NAA80: variants seen among roughly 807,000 people sequenced by gnomAD.
The protein encoded by NAA80 is N-alpha-acetyltransferase 80.
Under a neutral mutation model 8.7 loss-of-function variants are expected in NAA80, and 5 were observed. That is an observed-to-expected ratio of 0.58 (90% CI 0.30 to 1.21). The LOEUF (loss-of-function observed/expected upper bound fraction) is 1.21, where lower values mean the gene tolerates loss of function less well. Among genes scored for constraint, NAA80 ranks in the 50% most tolerant of loss-of-function variants. The pLI, the probability that NAA80 is intolerant of heterozygous loss-of-function variation, is 0.07. For synonymous variants in NAA80, 149 were observed against 156.6 expected, an observed-to-expected ratio of 0.95 and a Z score of 0.36; for missense variants, 360 against 368.6, an observed-to-expected ratio of 0.98 and a Z score of 0.19.
rs1553711370 is a variant in NAA80, at chr3:50,297,077, C to T, written c.387G>A (p.Val129=). The change falls in exon 2 of 2, where the codon GTG becomes GTA. Residue 129 remains valine, a synonymous_variant. Coordinates refer to ENST00000443094, the MANE Select transcript of NAA80 (RefSeq NM_001200016.2). The surrounding 1 kb of genome is among the most constrained non-coding windows in gnomAD (Gnocchi z 4.3). The part of the protein sequence containing the change: ...VVVGHARLSR[V]LNQPQSLLVE... ...CTAAGAGGCTCTGGGGCTGGTTCAG[C>T]ACCCGTGACAGGCGGGCATGGCCCA... 1.3e-6 allele frequency: 2 copies of T among 1,538,216 alleles called. No homozygotes were observed. Among genetic ancestry groups the T allele is most frequent in the Non-Finnish European group, 1.7e-6 (2 of 1,142,884 alleles).
At chr3:50,298,942 AC>A in intron 1 of NAA80, 1 of 1,415,626 alleles carries the variant, frequency 7.1e-7, no homozygotes, top group Non-Finnish European at 9.2e-7. Flanking sequence ...TGCCGACCCC[AC>A]CCACTGTGGG....
rs188359638 is a variant in NAA80 at position 50,299,219 on chromosome 3, A to G, written c.-216T>C. 3 of 1,614,142 alleles carry G rather than the reference A, an allele frequency of 1.9e-6. No individual in the cohort carries two copies. The highest frequency in any genetic ancestry group is 2.5e-6 in the Non-Finnish European group (3 of 1,180,004). On this transcript the variant is annotated 5_prime_UTR_variant, in exon 1 of 2. Coordinates refer to ENST00000443094, the MANE Select transcript of NAA80 (RefSeq NM_001200016.2). ...GGAAGGGTGCGGTACTGACATGTTG[A>G]TGCTGGCCTCTGGGATGTTCCGCGT...
Position 50,296,679 on chromosome 3 carries a change from G to A in NAA80, c.785C>T (p.Pro262Leu), listed in dbSNP as rs1553711208. 4.3e-6 allele frequency: 7 copies of A among 1,613,848 alleles called. No individual in the cohort carries two copies. The highest frequency in any genetic ancestry group is 5.9e-6 in the Non-Finnish European group (7 of 1,179,910). ...TISPPVPSGP[P>L]SKSLLETQYQ... ...TTGTGTCTCCAGCAGGCTTTTTGAA[G>A]GGGGCCCTGATGGAACTGGGGGTGA... is the stretch of plus-strand genomic sequence containing the variant. Residue 262 changes from proline to leucine, a missense_variant, in exon 2 of 2, where the codon CCT (proline) becomes CTT (leucine). Coordinates refer to ENST00000443094, the MANE Select transcript of NAA80 (RefSeq NM_001200016.2).
chr3:50,297,896 G>A lies in NAA80; in HGVS notation c.-209-224C>T. On this transcript the variant is annotated intron_variant, in intron 1 of 1. Coordinates refer to ENST00000443094, the MANE Select transcript of NAA80 (RefSeq NM_001200016.2). The surrounding 1 kb of genome is among the most constrained non-coding windows in gnomAD (Gnocchi z 4.3). Reference sequence around the variant, plus strand: ...TCTACCCCACATTGGAGGGAGGCTGGGAGTGATGGATGAGCTGCTTAAGGC... The same window carrying A: ...TCTACCCCACATTGGAGGGAGGCTGAGAGTGATGGATGAGCTGCTTAAGGC... The A allele has an allele frequency of 1.0e-6, 1 of 1,004,554 alleles. No individual in the cohort carries two copies. Among genetic ancestry groups the A allele is most frequent in the Non-Finnish European group, 1.2e-6 (1 of 843,284 alleles). 62.2% of individuals were successfully genotyped at this position (1,004,554 alleles called of 1,614,324 possible).
chr3:50,298,340 TG>T (rs1329068590), intron 1 of NAA80, among the ~76,000 whole-genome samples: 1 of 152,084 alleles, frequency 6.6e-6, no homozygotes, highest in African/African-American at 2.4e-5. Flanking sequence ...CTGGAGCCCA[TG>T]GCCCCCTTCC....
chr3:50,299,168 C>A, intron 1 of NAA80, 45 bp downstream of exon 1: 1 of 1,613,990 alleles, frequency 6.2e-7, no homozygotes, highest in Non-Finnish European at 8.5e-7. Context: ...ACCGCACGCG[C>A]GGGGTGGACC....
At chr3:50,298,246 A>G (rs1422232790) in intron 1 of NAA80, among the ~76,000 whole-genome samples, 2 of 152,086 alleles carry the variant, frequency 1.3e-5, no homozygotes, top group East Asian at 3.8e-4. Flanking sequence ...TACCTGGGCT[A>G]TGCCCACTGC....
rs1456620499 is a variant in NAA80 at position 50,297,713 on chromosome 3, G to T, written c.-209-41C>A. The T allele has an allele frequency of 3.7e-6, 5 of 1,365,498 alleles. No individual in the cohort carries two copies. The East Asian group carries it at 1.1e-4, about 31-fold the overall frequency. The allele number at this position is 1,365,498 out of a possible 1,614,324, so 84.6% of individuals were successfully genotyped here. A position where few individuals can be genotyped will look rare whatever the true frequency, so the allele number is the denominator to read the frequency against. Reference sequence around the variant, plus strand: ...ATGCTGGGCTGTGCCAGGAGGGAGGGTGGGGTTGGAGCAGGGAAGGGCTGA... The same window carrying T: ...ATGCTGGGCTGTGCCAGGAGGGAGGTTGGGGTTGGAGCAGGGAAGGGCTGA... On this transcript the variant is annotated intron_variant, in intron 1 of 1. Transcript: ENST00000443094. This position sits in a 1 kb window ranked among gnomAD's most constrained non-coding sequence, Gnocchi z 4.3.
At chr3:50,299,190 A>C (rs1702013370) in intron 1 of NAA80, 23 bp downstream of exon 1, 2 of 1,614,008 alleles carry the variant, frequency 1.2e-6, no homozygotes, top group African/African-American at 2.7e-5. Flanking sequence ...ACAGGCAGCA[A>C]ATGGGAAGGG....
Position 50,297,481 on chromosome 3 carries a change from G to C in NAA80, c.-18C>G. 6.4e-7 allele frequency: 1 copy of C among 1,572,134 alleles called. No individual in the cohort carries two copies. Among genetic ancestry groups the C allele is most frequent in the South Asian group, 1.2e-5 (1 of 85,370 alleles). Reference sequence around the variant, plus strand: ...AGCTCCATCCGGTGTGTAGGGTCTAGTGTAGGGGTCAGCTTGGCTGGGCCA... The same window carrying C: ...AGCTCCATCCGGTGTGTAGGGTCTACTGTAGGGGTCAGCTTGGCTGGGCCA... On this transcript the variant is annotated 5_prime_UTR_variant, in exon 2 of 2. Transcript: ENST00000443094. The surrounding 1 kb of genome is among the most constrained non-coding windows in gnomAD (Gnocchi z 4.3).
At position 50,297,046 on chromosome 3, in the gene NAA80, T is replaced by A. The variant is rs1241324641; in HGVS notation, c.418A>T (p.Thr140Ser). 1 of 1,537,124 alleles carries A rather than the reference T, an allele frequency of 6.5e-7. No individual in the cohort carries two copies. Among genetic ancestry groups the A allele is most frequent in the Non-Finnish European group, 8.7e-7 (1 of 1,145,256 alleles). ...LNQPQSLLVETVVVARALRGR... is the reference protein window; with the variant it reads ...LNQPQSLLVESVVVARALRGR... ...CTCAGGGCCCGGGCCACCACCACTGTCTCCACTAAGAGGCTCTGGGGCTGG... is the reference window on the plus strand; with the variant it reads ...CTCAGGGCCCGGGCCACCACCACTGACTCCACTAAGAGGCTCTGGGGCTGG... Residue 140 changes from threonine to serine, a missense_variant, in exon 2 of 2, where the codon ACA becomes TCA. Thr to Ser is a moderately conservative substitution (Grantham distance 58, BLOSUM62 1). Transcript: ENST00000443094. The surrounding 1 kb of genome is among the most constrained non-coding windows in gnomAD (Gnocchi z 4.3).
chr3:50,299,323 G>A lies in NAA80; in HGVS notation c.-320C>T. The A allele has an allele frequency of 6.2e-7, 1 of 1,600,502 alleles. No individual in the cohort carries two copies. The highest frequency in any genetic ancestry group is 8.5e-7 in the Non-Finnish European group (1 of 1,175,220). The stretch of plus-strand genomic sequence containing the variant: ...TCCGACAACGTTGGCCCCCAGCGGT[G>A]CGGCGGATGTTCTGCAGCCGTCGCG... On this transcript the variant is annotated 5_prime_UTR_variant, in exon 1 of 2. Transcript: ENST00000443094.
chr3:50,297,577 C>A lies in NAA80; in HGVS notation c.-114G>T, dbSNP rs1361501156. 6.7e-7 allele frequency: 1 copy of A among 1,492,676 alleles called. No homozygotes were observed. Among genetic ancestry groups the A allele is most frequent in the African/African-American group, 1.4e-5 (1 of 71,012 alleles). 92.5% of individuals were successfully genotyped at this position (1,492,676 alleles called of 1,614,324 possible). A position where few individuals can be genotyped will look rare whatever the true frequency, so the allele number is the denominator to read the frequency against. On this transcript the variant is annotated 5_prime_UTR_variant, in exon 2 of 2. Coordinates refer to ENST00000443094, the MANE Select transcript of NAA80 (RefSeq NM_001200016.2). This position sits in a 1 kb window ranked among gnomAD's most constrained non-coding sequence, Gnocchi z 4.3. ...TGAGTCAGGCTGGGAGCCAAGGTCA[C>A]CTGCTGCTAGGTTGCAGGTGGCTCA...
In NAA80 at chr3:50,296,602, C is replaced by T. The variant is rs1553711181; in HGVS notation, c.*1G>A. On this transcript the variant is annotated 3_prime_UTR_variant, in exon 2 of 2. Transcript: ENST00000443094. ...AAGACAGTTCCTTGCCCTGGATGGC[C>T]TCAGATGTCTTTTTCCATCCAGAAT... 1 of 1,613,848 alleles carries T rather than the reference C, an allele frequency of 6.2e-7. No individual in the cohort carries two copies. Among genetic ancestry groups the T allele is most frequent in the East Asian group, 2.2e-5 (1 of 44,874 alleles).
Position 50,297,428 on chromosome 3 carries a change from C to G in NAA80, c.36G>C (p.Leu12=), listed in dbSNP as rs782328911. 2 of 1,612,442 alleles carry G rather than the reference C, an allele frequency of 1.2e-6. No homozygotes were observed. Among genetic ancestry groups the G allele is most frequent in the Admixed American group, 1.7e-5 (1 of 59,830 alleles). ...TTGGCTGGCACGCAGGATCCAGAGT[C>G]AGCTCAGCTGGGCTGGTACTCAGGA... ...ELILSTSPAE[L]TLDPACQPKL... is the part of the protein sequence containing the mutation. Residue 12 remains leucine (L), a synonymous_variant, in exon 2 of 2, where the codon CTG becomes CTC. Transcript: ENST00000443094. The surrounding 1 kb of genome is among the most constrained non-coding windows in gnomAD (Gnocchi z 4.3).
At position 50,297,413 on chromosome 3, in the gene NAA80, C is replaced by A. The variant is rs587730310; in HGVS notation, c.51G>T (p.Ala17=). ...AATCCAGGGGCAGCTTTGGCTGGCA[C>A]GCAGGATCCAGAGTCAGCTCAGCTG... is the stretch of plus-strand genomic sequence containing the variant. ...TSPAELTLDP[A]CQPKLPLDST... is the part of the protein sequence containing the mutation. Residue 17 remains alanine, a synonymous_variant, in exon 2 of 2, where the codon GCG becomes GCT. Coordinates refer to ENST00000443094, the MANE Select transcript of NAA80 (RefSeq NM_001200016.2). This position sits in a 1 kb window ranked among gnomAD's most constrained non-coding sequence, Gnocchi z 4.3. 6.2e-7 allele frequency: 1 copy of A among 1,613,200 alleles called. No individual in the cohort carries two copies. The highest frequency in any genetic ancestry group is 8.5e-7 in the Non-Finnish European group (1 of 1,179,582).
intron 1 of NAA80, among the ~76,000 whole-genome samples, chr3:50,298,468 G>A (rs1553711751): frequency 6.6e-6 from 1 of 151,680 alleles, no homozygotes; most frequent in East Asian, 1.9e-4. Flanking sequence ...TGCCTCTGCA[G>A]GCTTGGTTCC....
chr3:50,296,627 T>C lies in NAA80; in HGVS notation c.837A>G (p.Ile279Met). 1 of 1,614,036 alleles carries C rather than the reference T, an allele frequency of 6.2e-7. No individual in the cohort carries two copies. The highest frequency in any genetic ancestry group is 8.5e-7 in the Non-Finnish European group (1 of 1,179,986). ...CTCAGATGTCTTTTTCCATCCAGAA[T>C]ATGGGGCGCCCCCTCACATTTTGAT... is the stretch of plus-strand genomic sequence containing the variant. ...TQYQNVRGRPIFWMEKDI is the reference protein window; with the variant it reads ...TQYQNVRGRPMFWMEKDI Residue 279 changes from isoleucine (I) to methionine (M), a missense_variant, in exon 2 of 2, where the codon ATA becomes ATG. Ile to Met is a conservative substitution (Grantham distance 10). Coordinates refer to ENST00000443094, the MANE Select transcript of NAA80 (RefSeq NM_001200016.2).
intron 1 of NAA80, 159 bp downstream of exon 1, chr3:50,299,054 G>A (rs1054030295): frequency 6.3e-7 from 1 of 1,582,922 alleles, no homozygotes; most frequent in Non-Finnish European, 8.6e-7. Context: ...TTTTGGGAAT[G>A]AGGACTTCGA....
Sources: allele counts gnomAD v4.1 joint callset (sites outside exome capture counted in the v4.1 genomes callset), GRCh38; gene constraint gnomAD v4.1.1; non-coding constraint Gnocchi (gnomAD v3.1); transcripts MANE v1.5; gene names NCBI Gene and HGNC (gene_info 2026-07-23, HGNC 2026-07-21).